The following WWOX variants were observed in gnomAD, a reference collection of about 807,000 sequenced individuals.
WWOX encodes WW domain-containing oxidoreductase.
Under a neutral mutation model 46.2 loss-of-function variants are expected in WWOX, and 69 were observed. That is an observed-to-expected ratio of 1.49 (90% CI 1.23 to 1.82). WWOX has a LOEUF of 1.82. Ranked by LOEUF, WWOX falls within the 40% of genes most tolerant of loss-of-function variation. The pLI is 0.00. For missense variants in WWOX, 919 were observed against 542.6 expected, an observed-to-expected ratio of 1.69 and a Z score of -6.89; for synonymous variants, 359 against 202.6, an observed-to-expected ratio of 1.77 and a Z score of -6.56.
At chr16:78,815,018 C>A (rs776497334) in intron 8 of WWOX, among the ~76,000 whole-genome samples, 2 of 152,188 alleles carry the variant, frequency 1.3e-5, no homozygotes, top group African/African-American at 2.4e-5. Flanking sequence ...ACTTCACCAC[C>A]TTCCTCTGTA....
At chr16:79,130,653 A>G (rs1402569052) in intron 8 of WWOX, among the ~76,000 whole-genome samples, 1 of 152,226 alleles carries the variant, frequency 6.6e-6, no homozygotes, top group African/African-American at 2.4e-5. Flanking sequence ...AGCCAAGAAC[A>G]AATTAACCCA....
intron 4 of WWOX, among the ~76,000 whole-genome samples, chr16:78,151,043 A>ATT (rs10629101): frequency 0.53 from 74,466 of 140,772 alleles, 19,834 homozygotes; most frequent in East Asian, 0.72. Context: ...GTGCTCCACA[A>ATT]TTTTTTTTTT....
At chr16:79,014,472 T>C (rs923050372) in intron 8 of WWOX, among the ~76,000 whole-genome samples, 1 of 152,170 alleles carries the variant, frequency 6.6e-6, no homozygotes, top group Non-Finnish European at 1.5e-5. Flanking sequence ...AAAATGTAAA[T>C]GTTGCTACAT....
chr16:78,838,126 C>G (rs1433901762), intron 8 of WWOX, among the ~76,000 whole-genome samples: 1 of 152,142 alleles, frequency 6.6e-6, no homozygotes, highest in Non-Finnish European at 1.5e-5. Flanking sequence ...TGAGAGCCTC[C>G]TCCTTCAACT....
Position 78,642,773 on chromosome 16 carries a change from C to T in WWOX, c.1056+210021C>T, listed in dbSNP as rs74029602. Among the ~76,000 whole-genome samples, 785 of 152,080 alleles carry T rather than the reference C, an allele frequency of 5.2e-3. 10 individuals are homozygous for T. Among genetic ancestry groups the T allele is most frequent in the African/African-American group, 0.018 (745 of 41,464 alleles). ...GGATACCTCAGTGGGGAACTCAGGG[C>T]GTGAGGCACACTCATGACAGATGCA... On this transcript the variant is annotated intron_variant, in intron 8 of 8. Coordinates refer to ENST00000566780, the MANE Select transcript of WWOX (RefSeq NM_016373.4).
intron 8 of WWOX, among the ~76,000 whole-genome samples, chr16:78,608,701 TGACGG>T (rs2045824985): frequency 6.6e-6 from 1 of 152,202 alleles, no homozygotes; most frequent in Non-Finnish European, 1.5e-5. Context: ...ATTACTGACA[TGACGG>T]GACCTTTACA....
intron 8 of WWOX, among the ~76,000 whole-genome samples, chr16:78,642,591 G>C (rs2046746359): frequency 6.6e-6 from 1 of 152,144 alleles, no homozygotes; most frequent in Admixed American, 6.5e-5. Context: ...TTCCGGGCAA[G>C]TTGAGTCTCC....
intron 8 of WWOX, among the ~76,000 whole-genome samples, chr16:78,823,224 C>G (rs1567584854): frequency 6.6e-6 from 1 of 152,210 alleles, no homozygotes; most frequent in African/African-American, 2.4e-5. Context: ...TTGGATGGTG[C>G]TGTATAGAAA....
intron 8 of WWOX, chr16:78,981,610 G>A (rs1248297179): frequency 6.6e-6 from 1 of 152,104 alleles, no homozygotes; most frequent in Admixed American, 6.6e-5. Flanking sequence ...GCTAATTTTT[G>A]TATTTTTGTT....
chr16:78,707,895 T>A (rs988905178), intron 8 of WWOX, among the ~76,000 whole-genome samples: 1 of 151,872 alleles, frequency 6.6e-6, no homozygotes, highest in South Asian at 2.1e-4. Context: ...ATAAAGTATC[T>A]GTCCCCAAGT....
At chr16:78,459,971 AT>A (rs2083911336) in intron 8 of WWOX, among the ~76,000 whole-genome samples, 1 of 150,054 alleles carries the variant, frequency 6.7e-6, no homozygotes, top group Non-Finnish European at 1.5e-5. Context: ...CACCCAGCTA[AT>A]TTTTTGTATT....
At position 78,356,692 on chromosome 16, in the gene WWOX, C is replaced by A. The variant is rs868214947; in HGVS notation, c.517-30168C>A. The stretch of plus-strand genomic sequence containing the variant: ...GGTCAGCAGTTGAAGACCAGCCTGG[C>A]CAGCATGGTGAAACCCCGTCTCTAC... On this transcript the variant is annotated intron_variant, in intron 5 of 8. Coordinates refer to ENST00000566780, the MANE Select transcript of WWOX (RefSeq NM_016373.4). 7.2e-5 allele frequency among the ~76,000 whole-genome samples: 11 copies of A among 152,220 alleles called. No homozygotes were observed. In the South Asian group the frequency reaches 1.0e-3, roughly 14 times the overall value.
rs544760115 is a variant in WWOX at position 79,211,701 on chromosome 16, C to T, written c.1150C>T (p.Pro384Ser). Residue 384 changes from proline (P) to serine (S), a missense_variant, in exon 9 of 9, where the codon CCC becomes TCC. Pro to Ser is a moderately conservative substitution (Grantham distance 74). Transcript: ENST00000566780. ...MYFNNCCRCM[P>S]SPEAQSEETA... Reference sequence around the variant, plus strand: ...CTTCAACAACTGCTGCCGCTGCATGCCCTCACCAGAAGCTCAGAGCGAAGA... The same window carrying T: ...CTTCAACAACTGCTGCCGCTGCATGTCCTCACCAGAAGCTCAGAGCGAAGA... 5.0e-6 allele frequency: 8 copies of T among 1,614,244 alleles called. No individual in the cohort carries two copies. The East Asian group carries it at 1.6e-4, about 31-fold the overall frequency.
chr16:78,812,437 T>C (rs562581296), intron 8 of WWOX, among the ~76,000 whole-genome samples: 1 of 152,034 alleles, frequency 6.6e-6, no homozygotes, highest in South Asian at 2.1e-4. Context: ...CAGAAACATA[T>C]CTGACTGGGC....
At chr16:78,120,698 CAT>C (rs561860936) in intron 4 of WWOX, among the ~76,000 whole-genome samples, 142 of 152,236 alleles carry the variant, frequency 9.3e-4, no homozygotes, top group African/African-American at 3.2e-3. Flanking sequence ...GTTTCTAAAT[CAT>C]GTGTTGAAAT....
At chr16:78,131,246 T>C (rs1386742020) in intron 4 of WWOX, among the ~76,000 whole-genome samples, 2 of 152,176 alleles carry the variant, frequency 1.3e-5, no homozygotes, top group Non-Finnish European at 1.5e-5. Flanking sequence ...AGGGTCTTGC[T>C]CTGTTACCCA....
At chr16:78,499,224 C>CT (rs959063188) in intron 8 of WWOX, among the ~76,000 whole-genome samples, 2 of 150,342 alleles carry the variant, frequency 1.3e-5, no homozygotes, top group Non-Finnish European at 3.0e-5. Flanking sequence ...GATGGCTTTG[C>CT]TTTGGGGGGG....
intron 8 of WWOX, among the ~76,000 whole-genome samples, chr16:78,730,062 T>A (rs1483890732): frequency 1.3e-5 from 2 of 152,180 alleles, no homozygotes; most frequent in Non-Finnish European, 2.9e-5. Context: ...ATATCCATTT[T>A]TTAGTTGTGT....
At chr16:78,175,212 C>G (rs1229408586) in intron 5 of WWOX, among the ~76,000 whole-genome samples, 1 of 151,944 alleles carries the variant, frequency 6.6e-6, no homozygotes. Context: ...GTGTCAGAGC[C>G]TACCCTGTGT....
Sources: gnomAD v4.1 joint callset for allele counts (sites outside exome capture counted in the v4.1 genomes callset) on GRCh38, gnomAD v4.1.1 for gene constraint, MANE v1.5 for transcripts, NCBI Gene and HGNC (gene_info 2026-07-23, HGNC 2026-07-21) for gene names.